RERE: variants seen among roughly 807,000 people sequenced by gnomAD.
The protein encoded by RERE is arginine-glutamic acid dipeptide repeats.
Under a neutral mutation model 146.1 loss-of-function variants are expected in RERE, and 40 were observed. The observed-to-expected ratio is 0.27, with a 90% confidence interval of 0.21 to 0.36. The LOEUF (loss-of-function observed/expected upper bound fraction) is 0.36, where lower values mean the gene tolerates loss of function less well. RERE is among the 10% of genes least tolerant of loss of function. The probability of loss-of-function intolerance (pLI) is 1.00; values close to 1 mark genes in which losing one functional copy is unlikely to be tolerated. For missense variants in RERE, 1,933 were observed against 2,138.7 expected (o/e 0.90, Z 1.90); for synonymous variants, 1,003 against 866.0 (o/e 1.16, Z -2.78).
chr1:8,642,135 C>T (rs1262130419), intron 2 of RERE, among the ~76,000 whole-genome samples: 1 of 151,342 alleles, frequency 6.6e-6, no homozygotes, highest in Non-Finnish European at 1.5e-5. Context: ...CCTTGTAACC[C>T]CAATCTAAAA....
chr1:8,728,260 T>G (rs1640011398), intron 1 of RERE, among the ~76,000 whole-genome samples: 1 of 152,230 alleles, frequency 6.6e-6, no homozygotes, highest in African/African-American at 2.4e-5. Flanking sequence ...TAAATTAAAA[T>G]CATTCCTCTA....
intron 1 of RERE, among the ~76,000 whole-genome samples, chr1:8,660,310 G>A (rs900674657): frequency 6.6e-6 from 1 of 152,102 alleles, no homozygotes; most frequent in South Asian, 2.1e-4. Flanking sequence ...ATAAAGAAAG[G>A]GACCCAGAGA....
intron 1 of RERE, among the ~76,000 whole-genome samples, chr1:8,691,008 C>A (rs1433061949): frequency 6.6e-6 from 1 of 152,154 alleles, no homozygotes; most frequent in Non-Finnish European, 1.5e-5. Flanking sequence ...AGCAGTTCTC[C>A]TGCCTCAGCC....
At chr1:8,786,059 A>G (rs1641254085) in intron 1 of RERE, among the ~76,000 whole-genome samples, 1 of 152,128 alleles carries the variant, frequency 6.6e-6, no homozygotes, top group Non-Finnish European at 1.5e-5. Flanking sequence ...CATCCCCTGC[A>G]GAGTCTGGCC....
chr1:8,581,357 T>C (rs1183074471), intron 4 of RERE, among the ~76,000 whole-genome samples: 1 of 152,150 alleles, frequency 6.6e-6, no homozygotes, highest in East Asian at 1.9e-4. Flanking sequence ...TTGGAAGGTA[T>C]TTTTTTAAAT....
intron 1 of RERE, among the ~76,000 whole-genome samples, chr1:8,680,591 T>C (rs1460125029): frequency 3.3e-5 from 5 of 151,512 alleles, no homozygotes; most frequent in Non-Finnish European, 7.4e-5. Flanking sequence ...AGAGGAGGAG[T>C]CTGAGAAAAT....
chr1:8,497,302 C>A, intron 9 of RERE, 103 bp downstream of exon 9: 1 of 1,289,896 alleles, frequency 7.8e-7, no homozygotes, highest in Non-Finnish European at 1.1e-6. Context: ...TCAGAGAACG[C>A]CCAATATAGA....
intron 6 of RERE, among the ~76,000 whole-genome samples, chr1:8,547,533 C>T (rs1418296749): frequency 2.6e-5 from 4 of 152,068 alleles, no homozygotes; most frequent in Admixed American, 6.5e-5. Flanking sequence ...TTGTATAAAG[C>T]ACTTTTTAAA....
At chr1:8,801,970 T>A (rs1042573105) in intron 1 of RERE, among the ~76,000 whole-genome samples, 3 of 152,156 alleles carry the variant, frequency 2.0e-5, no homozygotes, top group Non-Finnish European at 4.4e-5. Context: ...AATTGAAAAA[T>A]ATGTTTGGAA....
At chr1:8,600,256 C>T (rs1288844166) in intron 4 of RERE, among the ~76,000 whole-genome samples, 2 of 152,196 alleles carry the variant, frequency 1.3e-5, no homozygotes, top group East Asian at 3.8e-4. Flanking sequence ...ATAAAAATCA[C>T]CCAGTCTCCG....
At chr1:8,361,708 G>C in intron 17 of RERE, 55 bp downstream of exon 17, 2 of 1,483,158 alleles carry the variant, frequency 1.3e-6, no homozygotes, top group East Asian at 2.3e-5. Flanking sequence ...ACCCCGGCTG[G>C]GGGCTTCTGA....
chr1:8,545,045 C>A (rs1645841659), intron 6 of RERE, among the ~76,000 whole-genome samples: 1 of 152,160 alleles, frequency 6.6e-6, no homozygotes, highest in Non-Finnish European at 1.5e-5. Context: ...TATCAGAGCA[C>A]TCTTCTCACC....
At chr1:8,544,797 T>G (rs906466305) in intron 6 of RERE, among the ~76,000 whole-genome samples, 1 of 152,162 alleles carries the variant, frequency 6.6e-6, no homozygotes, top group Non-Finnish European at 1.5e-5. Context: ...CATATAGCTG[T>G]AGCCATATGG....
chr1:8,802,447 T>C (rs899204520), intron 1 of RERE, among the ~76,000 whole-genome samples: 3 of 152,244 alleles, frequency 2.0e-5, no homozygotes, highest in Non-Finnish European at 2.9e-5. Flanking sequence ...GTACTCACCA[T>C]TTCCCAAGTT....
At chr1:8,655,945 G>T in intron 2 of RERE, 28 bp downstream of exon 2, 1 of 1,603,030 alleles carries the variant, frequency 6.2e-7, no homozygotes, top group South Asian at 1.1e-5. Flanking sequence ...TGTAAACATT[G>T]GCAAGACCCA....
intron 1 of RERE, among the ~76,000 whole-genome samples, chr1:8,747,413 T>C (rs1640444423): frequency 6.6e-6 from 1 of 151,996 alleles, no homozygotes; most frequent in African/African-American, 2.4e-5. Context: ...GTTAAGAACC[T>C]GCTAGGGTAA....
chr1:8,411,682 C>T (rs896714303), intron 12 of RERE, among the ~76,000 whole-genome samples: 1 of 152,082 alleles, frequency 6.6e-6, no homozygotes, highest in Non-Finnish European at 1.5e-5. Flanking sequence ...TCCTGATCTA[C>T]AAAATTATTA....
intron 8 of RERE, among the ~76,000 whole-genome samples, chr1:8,502,466 G>A (rs1203333886): frequency 1.2e-4 from 15 of 126,090 alleles, no homozygotes; most frequent in African/African-American, 4.7e-4. Context: ...AGGGTGGTGG[G>A]GGGGTCAGCC....
intron 11 of RERE, among the ~76,000 whole-genome samples, chr1:8,441,896 TTTA>T (rs1466559299): frequency 4.6e-5 from 7 of 151,884 alleles, no homozygotes; most frequent in Non-Finnish European, 1.5e-5. Context: ...ACTTAAGAGC[TTTA>T]TTATTAAAGG....
Sources: gnomAD v4.1 joint callset for allele counts (sites outside exome capture counted in the v4.1 genomes callset) on GRCh38, gnomAD v4.1.1 for gene constraint, MANE v1.5 for transcripts, NCBI Gene and HGNC (gene_info 2026-07-23, HGNC 2026-07-21) for gene names.